The following NAV2 variants were observed in gnomAD, a reference collection of about 807,000 sequenced individuals.
NAV2 encodes neuron navigator 2.
Under a neutral mutation model 223.2 loss-of-function variants are expected in NAV2, and 54 were observed. That is an observed-to-expected ratio of 0.24 (90% CI 0.19 to 0.30). The LOEUF (loss-of-function observed/expected upper bound fraction) is 0.30, where lower values mean the gene tolerates loss of function less well. NAV2 is among the 10% of genes least tolerant of loss of function. The probability of loss-of-function intolerance (pLI) is 1.00; values close to 1 mark genes in which losing one functional copy is unlikely to be tolerated. For synonymous variants in NAV2, 1,279 were observed against 1,239.3 expected (o/e 1.03, Z -0.67); for missense variants, 2,806 against 3,147.5 (o/e 0.89, Z 2.60).
chr11:20,008,236 G>A (rs185597816), intron 11 of NAV2, among the ~76,000 whole-genome samples: 60 of 152,172 alleles, frequency 3.9e-4, no homozygotes, highest in Admixed American at 3.1e-3. Context: ...GTGTGGTGGC[G>A]TGTGCCTGTA....
chr11:19,619,797 G>T (rs1445954142), intron 1 of NAV2, among the ~76,000 whole-genome samples: 2 of 151,996 alleles, frequency 1.3e-5, no homozygotes, highest in African/African-American at 4.8e-5. Context: ...GTCTTTTGTT[G>T]CCATTGCTTT....
intron 1 of NAV2, among the ~76,000 whole-genome samples, chr11:19,434,362 G>A (rs934829269): frequency 2.6e-5 from 4 of 152,172 alleles, no homozygotes; most frequent in Non-Finnish European, 4.4e-5. Context: ...ATTAGGTGAT[G>A]GAGAACTGAA....
intron 8 of NAV2, among the ~76,000 whole-genome samples, chr11:19,940,776 G>T (rs2046338310): frequency 6.6e-6 from 1 of 152,210 alleles, no homozygotes; most frequent in Admixed American, 6.5e-5. Flanking sequence ...CACTGCCTGG[G>T]CACGGTGATG....
intron 1 of NAV2, among the ~76,000 whole-genome samples, chr11:19,751,808 A>G (rs1223938597): frequency 1.3e-5 from 2 of 152,206 alleles, no homozygotes; most frequent in African/African-American, 2.4e-5. Flanking sequence ...TTGTAGCTTC[A>G]GAGTAGAGAG....
chr11:19,399,232 A>C (rs1323347976), intron 1 of NAV2, among the ~76,000 whole-genome samples: 1 of 152,106 alleles, frequency 6.6e-6, no homozygotes, highest in Non-Finnish European at 1.5e-5. Flanking sequence ...TGAATTTTGC[A>C]AGAAAAAAAT....
chr11:19,402,439 C>T (rs1849726240), intron 1 of NAV2, among the ~76,000 whole-genome samples: 1 of 152,210 alleles, frequency 6.6e-6, no homozygotes, highest in African/African-American at 2.4e-5. Context: ...CACTATGTGT[C>T]TAGAGCAAGG....
intron 1 of NAV2, among the ~76,000 whole-genome samples, chr11:19,634,648 T>G (rs984995711): frequency 6.6e-6 from 1 of 152,170 alleles, no homozygotes; most frequent in Admixed American, 6.6e-5. Context: ...CCCAGGGATA[T>G]AGAGGTGAGC....
intron 1 of NAV2, among the ~76,000 whole-genome samples, chr11:19,686,513 A>G (rs1392185096): frequency 1.3e-5 from 2 of 151,988 alleles, no homozygotes; most frequent in African/African-American, 2.4e-5. Flanking sequence ...TTTCTCCTCA[A>G]CCTGGGGATT....
chr11:19,948,274 T>C (rs1261132948), intron 9 of NAV2, among the ~76,000 whole-genome samples: 4 of 152,158 alleles, frequency 2.6e-5, no homozygotes, highest in Admixed American at 6.5e-5. Context: ...TTAGTAGAGA[T>C]GGGGTTTCAC....
intron 10 of NAV2, among the ~76,000 whole-genome samples, chr11:19,972,115 C>G (rs2153429921): frequency 6.6e-6 from 1 of 152,336 alleles, no homozygotes; most frequent in Admixed American, 6.5e-5. Flanking sequence ...TTTTCAGAAT[C>G]ACTGTATCTT....
At chr11:20,037,432 G>A (rs1020701714) in intron 12 of NAV2, among the ~76,000 whole-genome samples, 6 of 150,706 alleles carry the variant, frequency 4.0e-5, no homozygotes, top group Non-Finnish European at 5.9e-5. Context: ...AAATGGAAAC[G>A]TTTAATGCCT....
chr11:20,072,753 TA>T (rs2153646700), intron 22 of NAV2, among the ~76,000 whole-genome samples: 1 of 152,340 alleles, frequency 6.6e-6, no homozygotes, highest in African/African-American at 2.4e-5. Context: ...TATTGGCGTA[TA>T]GGAATGCTTG....
chr11:19,368,375 T>C (rs1333063815), intron 1 of NAV2, among the ~76,000 whole-genome samples: 1 of 152,196 alleles, frequency 6.6e-6, no homozygotes, highest in African/African-American at 2.4e-5. Context: ...TGTTCATCTC[T>C]AGGTGAAGTG....
At chr11:19,813,315 C>T (rs375936847) in intron 1 of NAV2, among the ~76,000 whole-genome samples, 1 of 152,192 alleles carries the variant, frequency 6.6e-6, no homozygotes, top group African/African-American at 2.4e-5. Flanking sequence ...GCCTCAGCAG[C>T]CACTGCCTGG....
chr11:19,965,825 G>T (rs2048727900), intron 10 of NAV2, among the ~76,000 whole-genome samples: 1 of 152,240 alleles, frequency 6.6e-6, no homozygotes, highest in Admixed American at 6.5e-5. Flanking sequence ...TAGCAGAGAT[G>T]GCATATGTCT....
In NAV2 at chr11:20,100,962, A is replaced by G; in HGVS notation, c.6207A>G (p.Ser2069=). The change falls in exon 32 of 38, where the codon TCA becomes TCG. Residue 2069 remains serine (S), a synonymous_variant. Transcript: ENST00000349880. The part of the protein sequence containing the change: ...VKGLAENSLD[S]LVFESLIPKP... Reference sequence around the variant, plus strand: ...GGCTCGCAGAAAACAGCCTGGACTCACTGGTGTTTGAGTCCTTGATTCCCA... The same window carrying G: ...GGCTCGCAGAAAACAGCCTGGACTCGCTGGTGTTTGAGTCCTTGATTCCCA... 1 of 1,614,066 alleles carries G rather than the reference A, an allele frequency of 6.2e-7. No homozygotes were observed. Among genetic ancestry groups the G allele is most frequent in the Non-Finnish European group, 8.5e-7 (1 of 1,180,000 alleles).
chr11:19,484,471 C>A (rs1245000171), intron 1 of NAV2, among the ~76,000 whole-genome samples: 2 of 152,232 alleles, frequency 1.3e-5, no homozygotes, highest in African/African-American at 4.8e-5. Flanking sequence ...CTGACACTTC[C>A]TGTGCCTAGA....
At chr11:20,025,210 TA>T (rs1472097204) in intron 11 of NAV2, among the ~76,000 whole-genome samples, 1 of 152,206 alleles carries the variant, frequency 6.6e-6, no homozygotes, top group African/African-American at 2.4e-5. Context: ...TTGTGCCTGA[TA>T]AGAAAGTGGA....
intron 3 of NAV2, among the ~76,000 whole-genome samples, chr11:19,862,599 G>T (rs890548661): frequency 6.6e-6 from 1 of 152,158 alleles, no homozygotes; most frequent in South Asian, 2.1e-4. Context: ...AGAATTGGAA[G>T]CACCACCATG....
Sources: gnomAD v4.1 joint callset for allele counts (sites outside exome capture counted in the v4.1 genomes callset) on GRCh38, gnomAD v4.1.1 for gene constraint, MANE v1.5 for transcripts, NCBI Gene and HGNC (gene_info 2026-07-23, HGNC 2026-07-21) for gene names.